Variants in JADE2 observed in about 807,000 individuals in gnomAD.
JADE2 encodes the protein E3 ubiquitin-protein ligase Jade-2.
JADE2 carries 13 observed loss-of-function variants against 85.7 expected under a neutral mutation model. The observed-to-expected ratio is 0.15, with a 90% CI of 0.10 to 0.24. The LOEUF is 0.24. JADE2 is among the 10% of genes least tolerant of loss of function. The pLI, the probability that JADE2 is intolerant of heterozygous loss-of-function variation, is 1.00. For synonymous variants in JADE2, 440 were observed against 456.1 expected (o/e 0.96, Z 0.45); for missense variants, 846 against 1,115.9 (o/e 0.76, Z 3.45).
At chr5:134,552,782 C>T (rs369966054) in intron 4 of JADE2, among the ~76,000 whole-genome samples, 7 of 151,876 alleles carry the variant, frequency 4.6e-5, no homozygotes, top group African/African-American at 7.3e-5. Context: ...AAGCAGTCCT[C>T]CCACCTCAGC....
At chr5:134,549,011 G>T (rs1286768155) in intron 3 of JADE2, among the ~76,000 whole-genome samples, 3 of 152,188 alleles carry the variant, frequency 2.0e-5, no homozygotes, top group African/African-American at 7.2e-5. Flanking sequence ...AGAGGCCCTC[G>T]TATGCAGTGC....
intron 3 of JADE2, among the ~76,000 whole-genome samples, chr5:134,543,930 C>CT (rs1762134673): frequency 6.6e-6 from 1 of 152,214 alleles, no homozygotes; most frequent in African/African-American, 2.4e-5. Context: ...CCCACAGGGG[C>CT]TGGGGAATTA....
intron 1 of JADE2, among the ~76,000 whole-genome samples, chr5:134,532,994 G>A (rs563737435): frequency 2.6e-5 from 4 of 152,218 alleles, no homozygotes; most frequent in African/African-American, 9.6e-5. Flanking sequence ...CCATGGGACA[G>A]CCCTGACCCA....
chr5:134,539,254 G>A (rs1455186025), intron 3 of JADE2, among the ~76,000 whole-genome samples: 2 of 152,004 alleles, frequency 1.3e-5, no homozygotes, highest in African/African-American at 2.4e-5. Flanking sequence ...TAGTAGAGAC[G>A]GGGTTTCACC....
intron 11 of JADE2, among the ~76,000 whole-genome samples, chr5:134,577,211 G>A (rs1297774634): frequency 6.6e-6 from 1 of 152,210 alleles, no homozygotes; most frequent in Non-Finnish European, 1.5e-5. Context: ...GAGGCCCCTG[G>A]GACAGCCCCA....
intron 10 of JADE2, 37 bp from the exon 11 acceptor site, chr5:134,576,731 A>G: frequency 6.5e-7 from 1 of 1,550,192 alleles, no homozygotes; most frequent in Non-Finnish European, 8.7e-7. Flanking sequence ...CACTCAGGGT[A>G]ACCATCTCCC....
intron 9 of JADE2, among the ~76,000 whole-genome samples, chr5:134,572,436 C>A (rs1764092177): frequency 6.6e-6 from 1 of 152,226 alleles, no homozygotes; most frequent in South Asian, 2.1e-4. Context: ...GAGGTCTGAT[C>A]TTGGCTGCCC....
chr5:134,533,428 T>G, intron 1 of JADE2: 1 of 492,592 alleles, frequency 2.0e-6, no homozygotes, highest in Non-Finnish European at 2.6e-6. Context: ...CTCTGGGAGG[T>G]ATGTCTTTCC....
chr5:134,579,562 C>G lies in JADE2; in HGVS notation c.*245C>G. On this transcript the variant is annotated 3_prime_UTR_variant, in exon 12 of 12. Coordinates refer to ENST00000681547, the MANE Select transcript of JADE2 (RefSeq NM_001388185.1). The surrounding 1 kb of genome is among the most constrained non-coding windows in gnomAD (Gnocchi z 4.6). ...CTAGGACCCTGCCAGGTCCCGCGCA[C>G]CATCCCTGCCCTGCCCACGTGGTAT... The G allele has an allele frequency of 1.8e-5, 9 of 497,122 alleles. No homozygotes were observed. The highest frequency in any genetic ancestry group is 3.6e-6 in the Non-Finnish European group (1 of 279,536). 30.8% of individuals were successfully genotyped at this position (497,122 alleles called of 1,614,324 possible).
In JADE2 at chr5:134,537,232, A is replaced by T. The variant is rs530803524; in HGVS notation, c.59-757A>T. Among the ~76,000 whole-genome samples the T allele has an allele frequency of 3.3e-5, 5 of 152,296 alleles. No homozygotes were observed. The East Asian group carries it at 9.6e-4, about 29-fold the overall frequency. The stretch of plus-strand genomic sequence containing the variant: ...GTGCCCACCCATGGCTGCTACTCCT[A>T]TTCAGCCAAAACCATAGTGTTGCCC... On this transcript the variant is annotated intron_variant, in intron 2 of 11. Transcript: ENST00000681547.
chr5:134,537,210 C>A (rs1483818697), intron 2 of JADE2, among the ~76,000 whole-genome samples: 1 of 152,228 alleles, frequency 6.6e-6, no homozygotes, highest in Non-Finnish European at 1.5e-5. Flanking sequence ...CTCCACTGTG[C>A]CCACCCATGG....
chr5:134,557,217 TG>T (rs1763010874), intron 4 of JADE2, among the ~76,000 whole-genome samples: 1 of 150,752 alleles, frequency 6.6e-6, no homozygotes, highest in African/African-American at 2.4e-5. Flanking sequence ...ATGATGATGA[TG>T]ATGATTATTA....
intron 1 of JADE2, among the ~76,000 whole-genome samples, chr5:134,531,883 C>CTTTTTT (rs1160758941): frequency 0.018 from 707 of 38,490 alleles, 174 homozygotes; most frequent in Admixed American, 0.021. Flanking sequence ...CCGTGCCTGG[C>CTTTTTT]TTTTTTTTTT....
intron 2 of JADE2, among the ~76,000 whole-genome samples, chr5:134,536,333 G>A (rs1202823567): frequency 2.0e-5 from 3 of 152,110 alleles, no homozygotes; most frequent in East Asian, 1.9e-4. Context: ...TTGATAAGAG[G>A]TCTCTTGTCT....
chr5:134,534,028 C>T (rs1017720427), intron 1 of JADE2, among the ~76,000 whole-genome samples: 3 of 152,094 alleles, frequency 2.0e-5, no homozygotes, highest in African/African-American at 7.2e-5. Context: ...TTACAGGTGT[C>T]GCACCCTTGA....
At chr5:134,532,104 T>C (rs1411359666) in intron 1 of JADE2, among the ~76,000 whole-genome samples, 1 of 151,962 alleles carries the variant, frequency 6.6e-6, no homozygotes, top group Non-Finnish European at 1.5e-5. Context: ...AGACTGATCT[T>C]GAACTCCTAA....
Position 134,579,102 on chromosome 5 carries a change from T to C in JADE2, c.2290T>C (p.Leu764=). 6.2e-7 allele frequency: 1 copy of C among 1,614,092 alleles called. No homozygotes were observed. Among genetic ancestry groups the C allele is most frequent in the Non-Finnish European group, 8.5e-7 (1 of 1,179,986 alleles). Residue 764 remains leucine, a synonymous_variant, in exon 12 of 12, where the codon TTG becomes CTG. Coordinates refer to ENST00000681547, the MANE Select transcript of JADE2 (RefSeq NM_001388185.1). The surrounding 1 kb of genome is among the most constrained non-coding windows in gnomAD (Gnocchi z 4.6). The stretch of plus-strand genomic sequence containing the variant: ...CCGCGAGAGCAAGGTAACCCGGAGA[T>C]TGCCGGGTGCCAGGCCTGATGCTGG... The part of the protein sequence containing the change: ...PPRESKVTRR[L]PGARPDAGMG...
rs373737323 is a variant in JADE2 at position 134,526,776 on chromosome 5, G to A, written c.-1+765G>A. 5 of 985,062 alleles carry A rather than the reference G, an allele frequency of 5.1e-6. No individual in the cohort carries two copies. In the African/African-American group the frequency reaches 7.0e-5, roughly 14 times the overall value. 61.0% of individuals were successfully genotyped at this position (985,062 alleles called of 1,614,324 possible). On this transcript the variant is annotated intron_variant, in intron 1 of 11. Transcript: ENST00000681547. ...CTTTCCAGGTGAGTGTGGAGGGTGC[G>A]GAGCCTCGGCGCCAGGGGTGAGGAC...
chr5:134,563,299 C>T (rs1336558720), intron 7 of JADE2, among the ~76,000 whole-genome samples: 2 of 147,062 alleles, frequency 1.4e-5, no homozygotes, highest in Admixed American at 6.8e-5. Flanking sequence ...GCCTGGGTAA[C>T]AGAATGAGAC....
Sources: gnomAD v4.1 joint callset for allele counts (sites outside exome capture counted in the v4.1 genomes callset) on GRCh38, gnomAD v4.1.1 for gene constraint, Gnocchi (gnomAD v3.1) non-coding constraint, MANE v1.5 for transcripts, NCBI Gene and HGNC (gene_info 2026-07-23, HGNC 2026-07-21) for gene names.